MASP1: variants seen among roughly 807,000 people sequenced by gnomAD.
The protein encoded by MASP1 is mannan-binding lectin serine protease 1.
In MASP1, 59 loss-of-function variants were observed where a neutral mutation model predicts 77.1. That is an observed-to-expected ratio of 0.77 (90% CI 0.62 to 0.95). MASP1 has a LOEUF of 0.95. Ranked by LOEUF, MASP1 falls within the 40% of genes least tolerant of loss-of-function variation. MASP1 has a pLI of 0.00. For missense variants in MASP1, 885 were observed against 912.9 expected, an observed-to-expected ratio of 0.97 and a Z score of 0.39; for synonymous variants, 362 against 354.5, an observed-to-expected ratio of 1.02 and a Z score of -0.24.
At chr3:187,244,066 C>G (rs1051580929) in intron 8 of MASP1, 9 of 216,354 alleles carry the variant, frequency 4.2e-5, no homozygotes, top group Non-Finnish European at 8.5e-5. Flanking sequence ...AGTCCCAATC[C>G]TAGGCTGAGT....
rs868433423 is a variant in MASP1 at position 187,246,840 on chromosome 3, G to A, written c.1091-3219C>T. On this transcript the variant is annotated intron_variant, in intron 8 of 10. Coordinates refer to ENST00000296280, the MANE Select transcript of MASP1 (RefSeq NM_139125.4). ...AGATTCTCAAAAATCCACACTCTGT[G>A]AGTTATTATTTGCTTTACCTACTCA... 2.7e-5 allele frequency: 27 copies of A among 1,006,826 alleles called. 1 individual carries two copies. In the African/African-American group the frequency reaches 4.2e-4, roughly 16 times the overall value. 62.4% of individuals were successfully genotyped at this position (1,006,826 alleles called of 1,614,324 possible).
At chr3:187,254,826 GT>G (rs973011368) in intron 5 of MASP1, among the ~76,000 whole-genome samples, 4 of 152,012 alleles carry the variant, frequency 2.6e-5, no homozygotes, top group African/African-American at 9.7e-5. Context: ...TCTTTAACCT[GT>G]TTTTTCCCCA....
In MASP1 at chr3:187,284,498, C is replaced by A. The variant is rs370672807; in HGVS notation, c.237+1327G>T. Among the ~76,000 whole-genome samples the A allele has an allele frequency of 2.2e-3, 329 of 152,294 alleles. 2 individuals are homozygous for A. Among genetic ancestry groups the A allele is most frequent in the African/African-American group, 7.5e-3 (311 of 41,554 alleles). ...GAGGTTAAAAATCCCTACCATGGAA[C>A]ACCAATTTTGGAAAATTTTTAGACG... On this transcript the variant is annotated intron_variant, in intron 2 of 10. Coordinates refer to ENST00000296280, the MANE Select transcript of MASP1 (RefSeq NM_139125.4).
In MASP1 at chr3:187,282,800, G is replaced by C. The variant is rs114920422; in HGVS notation, c.237+3025C>G. On this transcript the variant is annotated intron_variant, in intron 2 of 10. Coordinates refer to ENST00000296280, the MANE Select transcript of MASP1 (RefSeq NM_139125.4). ...GACATTAGGGTGGCCTTCTGGAAGA[G>C]AGTCAGCTGTGCAAGCACAAGTGGA... Among the ~76,000 whole-genome samples the C allele has an allele frequency of 4.9e-3, 739 of 152,368 alleles. 4 individuals carry two copies. Among genetic ancestry groups the C allele is most frequent in the Middle Eastern group, 0.02 (6 of 294 alleles).
chr3:187,229,300 C>G (rs374060423), downstream of MASP1, among the ~76,000 whole-genome samples: 1 of 152,180 alleles, frequency 6.6e-6, no homozygotes, highest in Admixed American at 6.5e-5. Context: ...CTCTCCCCAC[C>G]ACTGCAATGG....
intron 2 of MASP1, among the ~76,000 whole-genome samples, chr3:187,278,377 C>T (rs192366202): frequency 2.0e-5 from 3 of 150,256 alleles, no homozygotes; most frequent in Non-Finnish European, 4.5e-5. Flanking sequence ...CTCTTCCTTT[C>T]AACTGATGAC....
At position 187,234,439 on chromosome 3, in the gene MASP1, G is replaced by C; in HGVS notation, c.*1245C>G. The C allele has an allele frequency of 1.6e-6, 2 of 1,285,932 alleles. No individual in the cohort carries two copies. The highest frequency in any genetic ancestry group is 2.0e-6 in the Non-Finnish European group (2 of 987,450). The allele number at this position is 1,285,932 out of a possible 1,614,324, so 79.7% of individuals were successfully genotyped here. A position where few individuals can be genotyped will look rare whatever the true frequency, so the allele number is the denominator to read the frequency against. On this transcript the variant is annotated 3_prime_UTR_variant, in exon 11 of 11. Transcript: ENST00000296280. ...GGAACCTGCAGGGGACCTTATGCCAGCCTGTTGCTGACGGAGAACCAGAGA... is the reference window on the plus strand; with the variant it reads ...GGAACCTGCAGGGGACCTTATGCCACCCTGTTGCTGACGGAGAACCAGAGA...
intron 11 of MASP1, among the ~76,000 whole-genome samples, chr3:187,229,062 C>G (rs1712610246): frequency 6.6e-6 from 1 of 152,190 alleles, no homozygotes; most frequent in Non-Finnish European, 1.5e-5. Flanking sequence ...CAGAAGTGGT[C>G]TAGATAGCCT....
intron 11 of MASP1, among the ~76,000 whole-genome samples, chr3:187,227,093 T>C (rs1712482977): frequency 6.6e-6 from 1 of 152,164 alleles, no homozygotes; most frequent in African/African-American, 2.4e-5. Flanking sequence ...GAAAAAAGAG[T>C]AAATCAGTGT....
intron 3 of MASP1, 100 bp downstream of exon 3, chr3:187,262,443 T>C: frequency 8.7e-7 from 1 of 1,144,578 alleles, no homozygotes. Context: ...ATCTATGTGG[T>C]GCACACACAG....
chr3:187,246,811 A>T (rs1310668614), intron 8 of MASP1: 44 of 987,270 alleles, frequency 4.5e-5, no homozygotes, highest in Non-Finnish European at 4.4e-5. Flanking sequence ...ATGAGAAAAC[A>T]TTCAGATTCT....
rs547327143 is a variant in MASP1 at position 187,226,255 on chromosome 3, T to G, written c.1555+152A>C. On this transcript the variant is annotated intron_variant, in intron 12 of 15. Coordinates refer to the MASP1 transcript ENST00000337774. ...GTGTCTGGAGAATCATATCTTGCAC[T>G]TGGACTCAGGTTCCTGGACCTCCAT... 106 of 677,164 alleles carry G rather than the reference T, an allele frequency of 1.6e-4. 1 individual carries two copies. The highest frequency in any genetic ancestry group is 3.5e-4 in the Middle Eastern group (1 of 2,862). 41.9% of individuals were successfully genotyped at this position (677,164 alleles called of 1,614,324 possible). A position where few individuals can be genotyped will look rare whatever the true frequency, so the allele number is the denominator to read the frequency against.
rs1318541544 is a variant in MASP1 at position 187,281,838 on chromosome 3, C to A, written c.237+3987G>T. 4.4e-4 allele frequency among the ~76,000 whole-genome samples: 67 copies of A among 152,150 alleles called. 1 individual carries two copies. Among genetic ancestry groups the A allele is most frequent in the Admixed American group, 4.4e-3 (67 of 15,268 alleles). On this transcript the variant is annotated intron_variant, in intron 2 of 10. Transcript: ENST00000296280. ...AATTTTGGAGAGGGATGTGGATTTA[C>A]CTGGGGGCCACATGGCATATTTGCG...
intron 1 of MASP1, among the ~76,000 whole-genome samples, chr3:187,290,770 TTG>T (rs55722614): frequency 0.23 from 34,828 of 149,640 alleles, 4,146 homozygotes; most frequent in Middle Eastern, 0.29. Flanking sequence ...CTGCAGAGCA[TTG>T]TGTGTGTGTG....
At chr3:187,221,329 C>A (rs555153007) in intron 14 of MASP1, among the ~76,000 whole-genome samples, 6 of 152,312 alleles carry the variant, frequency 3.9e-5, no homozygotes, top group South Asian at 4.1e-4. Context: ...TGTTCTAGGG[C>A]AGTCTTGGCT....
chr3:187,245,815 C>T (rs191675238), intron 8 of MASP1, among the ~76,000 whole-genome samples: 51 of 152,306 alleles, frequency 3.3e-4, no homozygotes, highest in Admixed American at 2.3e-3. Context: ...TTGGAGGTAC[C>T]GCCCAACACC....
At chr3:187,243,774 T>C in intron 8 of MASP1, 153 bp from the exon 9 acceptor site, 1 of 895,214 alleles carries the variant, frequency 1.1e-6, no homozygotes, top group Non-Finnish European at 1.8e-6. Flanking sequence ...CCCTGGGGTG[T>C]GCAGTGTACA....
intron 2 of MASP1, among the ~76,000 whole-genome samples, chr3:187,266,487 A>G (rs980657876): frequency 6.6e-6 from 1 of 152,190 alleles, no homozygotes; most frequent in Non-Finnish European, 1.5e-5. Context: ...AATCCAGCTG[A>G]GGGAAATCAG....
intron 8 of MASP1, chr3:187,243,986 C>T: frequency 3.4e-6 from 1 of 295,970 alleles, no homozygotes; most frequent in Non-Finnish European, 6.5e-6. Flanking sequence ...CCTCTTCTGC[C>T]CAAGAATGAA....
Sources: gnomAD v4.1 joint callset for allele counts (sites outside exome capture counted in the v4.1 genomes callset) on GRCh38, gnomAD v4.1.1 for gene constraint, MANE v1.5 for transcripts, NCBI Gene and HGNC (gene_info 2026-07-23, HGNC 2026-07-21) for gene names.